SFRP2: variants seen among roughly 807,000 people sequenced by gnomAD.
The protein encoded by SFRP2 is secreted frizzled related protein 2, also known as secreted frizzled-related protein 2.
SFRP2 carries 16 observed loss-of-function variants against 26.0 expected under a neutral mutation model. The observed-to-expected ratio is 0.61, with a 90% CI of 0.42 to 0.93. The LOEUF is 0.93. Ranked by LOEUF, SFRP2 falls within the 40% of genes least tolerant of loss-of-function variation. The pLI is 0.00. For missense variants in SFRP2, 343 were observed against 392.4 expected (o/e 0.87, Z 1.06); for synonymous variants, 173 against 167.3 (o/e 1.03, Z -0.26).
chr4:153,784,950 G>C (rs1250550824), intron 2 of SFRP2, among the ~76,000 whole-genome samples: 2 of 152,148 alleles, frequency 1.3e-5, no homozygotes, highest in African/African-American at 4.8e-5. Flanking sequence ...TGTCTAGCTG[G>C]GCTCCTCTTC....
rs143588179 is a variant in SFRP2, at chr4:153,788,764, C to T, written c.72G>A (p.Gly24=). Reference sequence around the variant, plus strand: ...AGTCGGGCTGGCCAAAGAGGAAGAGCCCGCGCGCCGAGCCCAGGCAGCAGT... The same window carrying T: ...AGTCGGGCTGGCCAAAGAGGAAGAGTCCGCGCGCCGAGCCCAGGCAGCAGT... ...ASHCCLGSAR[G]LFLFGQPDFS... Residue 24 remains glycine, a synonymous_variant, in exon 1 of 3, where the codon GGG becomes GGA. Coordinates refer to ENST00000274063, the MANE Select transcript of SFRP2 (RefSeq NM_003013.3). 6.2e-7 allele frequency: 1 copy of T among 1,611,568 alleles called. No homozygotes were observed. The highest frequency in any genetic ancestry group is 8.5e-7 in the Non-Finnish European group (1 of 1,179,962).
chr4:153,789,038 C>A lies in SFRP2; in HGVS notation c.-203G>T. 1 of 541,796 alleles carries A rather than the reference C, an allele frequency of 1.8e-6. No homozygotes were observed. The highest frequency in any genetic ancestry group is 3.1e-5 in the South Asian group (1 of 32,614). The allele number at this position is 541,796 out of a possible 1,614,324, so 33.6% of individuals were successfully genotyped here. A position where few individuals can be genotyped will look rare whatever the true frequency, so the allele number is the denominator to read the frequency against. On this transcript the variant is annotated 5_prime_UTR_variant, in exon 1 of 3. Transcript: ENST00000274063. ...AGGCGCTGCAAGCCCGCGCGCAGCT[C>A]CGGGGGGCTCCGACCCGGGGGAGCA... is the stretch of plus-strand genomic sequence containing the variant.
intron 2 of SFRP2, among the ~76,000 whole-genome samples, chr4:153,782,241 A>G (rs1741132427): frequency 1.3e-5 from 2 of 152,230 alleles, no homozygotes; most frequent in African/African-American, 4.8e-5. Flanking sequence ...TCACGCAATC[A>G]TTGTTTTCTA....
chr4:153,784,761 G>T (rs935120113), intron 2 of SFRP2, among the ~76,000 whole-genome samples: 4 of 152,218 alleles, frequency 2.6e-5, no homozygotes, highest in African/African-American at 9.7e-5. Context: ...GATTGACAGA[G>T]CAGGGAACAT....
In SFRP2 at chr4:153,789,016, CGCTGCAAGCCCGCGCGCA is replaced by C; in HGVS notation, c.-199_-182del. 1 of 589,028 alleles carries C rather than the reference CGCTGCAAGCCCGCGCGCA, an allele frequency of 1.7e-6. No homozygotes were observed. Among genetic ancestry groups the C allele is most frequent in the South Asian group, 2.7e-5 (1 of 37,548 alleles). 36.5% of individuals were successfully genotyped at this position (589,028 alleles called of 1,614,324 possible). On this transcript the variant is annotated 5_prime_UTR_variant, in exon 1 of 3. Transcript: ENST00000274063. ...CACCGGGAGGACAGCGCGGGCGAGG[CGCTGCAAGCCCGCGCGCA>C]GCTCCGGGGGGCTCCGACCCGGGGG...
chr4:153,784,408 C>T (rs1741168204), intron 2 of SFRP2, among the ~76,000 whole-genome samples: 2 of 152,176 alleles, frequency 1.3e-5, no homozygotes, highest in Non-Finnish European at 2.9e-5. Flanking sequence ...CATATGAAAC[C>T]CCGTCAGCCC....
rs1165886589 is a variant in SFRP2 at position 153,781,557 on chromosome 4, C to T, written c.782G>A (p.Gly261Glu). The change falls in exon 3 of 3, where the codon GGA becomes GAA. Residue 261 changes from glycine to glutamate, a missense_variant. Coordinates refer to ENST00000274063, the MANE Select transcript of SFRP2 (RefSeq NM_003013.3). ...NDINAPYLVMGQKQGGELVIT... is the reference protein window; with the variant it reads ...NDINAPYLVMEQKQGGELVIT... ...CACCAGCTCCCCACCCTGTTTCTGTCCCATGACCAGATAGGGCGCGTTGAT... is the reference window on the plus strand; with the variant it reads ...CACCAGCTCCCCACCCTGTTTCTGTTCCATGACCAGATAGGGCGCGTTGAT... 1.1e-5 allele frequency: 17 copies of T among 1,614,072 alleles called. No homozygotes were observed. Among genetic ancestry groups the T allele is most frequent in the Non-Finnish European group, 1.4e-5 (17 of 1,180,040 alleles).
chr4:153,781,374 CG>C lies in SFRP2; in HGVS notation c.*76del. The C allele has an allele frequency of 7.3e-7, 1 of 1,365,580 alleles. No homozygotes were observed. Among genetic ancestry groups the C allele is most frequent in the Non-Finnish European group, 1.0e-6 (1 of 984,586 alleles). 84.6% of individuals were successfully genotyped at this position (1,365,580 alleles called of 1,614,324 possible). A position where few individuals can be genotyped will look rare whatever the true frequency, so the allele number is the denominator to read the frequency against. On this transcript the variant is annotated 3_prime_UTR_variant, in exon 3 of 3. Coordinates refer to ENST00000274063, the MANE Select transcript of SFRP2 (RefSeq NM_003013.3). The stretch of plus-strand genomic sequence containing the variant: ...AGCAGCTAGGAGTGTGCTTGGGGAA[CG>C]GGAGCTGAGATCCCGGAGCAGAAAT...
chr4:153,783,113 A>G (rs1452193952), intron 2 of SFRP2, among the ~76,000 whole-genome samples: 1 of 152,102 alleles, frequency 6.6e-6, no homozygotes, highest in African/African-American at 2.4e-5. Flanking sequence ...TTTGTCTGGT[A>G]TGATATGCAT....
At position 153,781,360 on chromosome 4, in the gene SFRP2, G is replaced by C; in HGVS notation, c.*91C>G. On this transcript the variant is annotated 3_prime_UTR_variant, in exon 3 of 3. Coordinates refer to ENST00000274063, the MANE Select transcript of SFRP2 (RefSeq NM_003013.3). ...CAGGCTGAGACTGGAGCAGCTAGGA[G>C]TGTGCTTGGGGAACGGGAGCTGAGA... The C allele has an allele frequency of 3.3e-6, 4 of 1,204,276 alleles. No homozygotes were observed. Among genetic ancestry groups the C allele is most frequent in the Non-Finnish European group, 4.8e-6 (4 of 840,938 alleles). The allele number at this position is 1,204,276 out of a possible 1,614,324, so 74.6% of individuals were successfully genotyped here. A position where few individuals can be genotyped will look rare whatever the true frequency, so the allele number is the denominator to read the frequency against.
At chr4:153,785,772 T>C (rs1474040050) in intron 2 of SFRP2, 92 bp downstream of exon 2, 6 of 799,956 alleles carry the variant, frequency 7.5e-6, no homozygotes, top group Admixed American at 2.9e-5. Flanking sequence ...CCAACCTTTA[T>C]CTAGCAACAT....
chr4:153,789,039 C>T lies in SFRP2; in HGVS notation c.-204G>A, dbSNP rs1356034253. The stretch of plus-strand genomic sequence containing the variant: ...GGCGCTGCAAGCCCGCGCGCAGCTC[C>T]GGGGGGCTCCGACCCGGGGGAGCAG... On this transcript the variant is annotated 5_prime_UTR_variant, in exon 1 of 3. Transcript: ENST00000274063. 7 of 539,656 alleles carry T rather than the reference C, an allele frequency of 1.3e-5. No individual in the cohort carries two copies. The highest frequency in any genetic ancestry group is 4.1e-5 in the African/African-American group (2 of 49,290). The allele number at this position is 539,656 out of a possible 1,614,324, so 33.4% of individuals were successfully genotyped here. A position where few individuals can be genotyped will look rare whatever the true frequency, so the allele number is the denominator to read the frequency against.
In SFRP2 at chr4:153,785,883, C is replaced by A. The variant is rs569276115; in HGVS notation, c.564G>T (p.Thr188=). The A allele has an allele frequency of 1.3e-6, 2 of 1,596,692 alleles. No homozygotes were observed. The highest frequency in any genetic ancestry group is 4.5e-5 in the East Asian group (2 of 44,232). Residue 188 remains threonine, a synonymous_variant, in exon 2 of 3, where the codon ACG becomes ACT. Coordinates refer to ENST00000274063, the MANE Select transcript of SFRP2 (RefSeq NM_003013.3). ...ACTTACCAAAATCATTTTTACAAAG[C>A]GTTTCCATTATGTCGTTGTCATCAT... ...KNDDDNDIME[T]LCKNDFALKI...
chr4:153,784,401 A>G (rs1741168130), intron 2 of SFRP2, among the ~76,000 whole-genome samples: 1 of 152,242 alleles, frequency 6.6e-6, no homozygotes, highest in African/African-American at 2.4e-5. Context: ...AAACAGGCAT[A>G]TGAAACCCCG....
chr4:153,781,660 C>A lies in SFRP2; in HGVS notation c.679G>T (p.Val227Leu). Residue 227 changes from valine to leucine, a missense_variant, in exon 3 of 3, where the codon GTG (valine) becomes TTG (leucine). Coordinates refer to ENST00000274063, the MANE Select transcript of SFRP2 (RefSeq NM_003013.3). ...GATTTCTTCAGGTCCCTTTCGGACA[C>A]ACCGTTCAGCTTGTAAATGGTCTTG... The part of the protein sequence containing the change: ...KSKTIYKLNG[V>L]SERDLKKSVL... The A allele has an allele frequency of 6.2e-7, 1 of 1,614,132 alleles. No individual in the cohort carries two copies. The highest frequency in any genetic ancestry group is 8.5e-7 in the Non-Finnish European group (1 of 1,180,004).
intron 2 of SFRP2, among the ~76,000 whole-genome samples, chr4:153,783,512 C>A (rs181365853): frequency 3.3e-5 from 5 of 152,290 alleles, no homozygotes; most frequent in Admixed American, 2.0e-4. Context: ...AGAATTGAAT[C>A]CCCCACATAA....
In SFRP2 at chr4:153,788,758, G is replaced by T. The variant is rs4076441; in HGVS notation, c.78C>A (p.Phe26Leu). ...HCCLGSARGL[F>L]LFGQPDFSYK... ...AGGAGAAGTCGGGCTGGCCAAAGAG[G>T]AAGAGCCCGCGCGCCGAGCCCAGGC... The change falls in exon 1 of 3, where the codon TTC becomes TTA. Residue 26 changes from phenylalanine to leucine, a missense_variant. Physicochemically the swap from Phe to Leu is conservative, Grantham distance 22. Coordinates refer to ENST00000274063, the MANE Select transcript of SFRP2 (RefSeq NM_003013.3). 6.2e-7 allele frequency: 1 copy of T among 1,612,048 alleles called. No individual in the cohort carries two copies. The highest frequency in any genetic ancestry group is 8.5e-7 in the Non-Finnish European group (1 of 1,180,000).
chr4:153,783,994 C>T (rs1228680888), intron 2 of SFRP2, among the ~76,000 whole-genome samples: 2 of 152,172 alleles, frequency 1.3e-5, no homozygotes, highest in African/African-American at 4.8e-5. Flanking sequence ...CACTAAGGCA[C>T]ACAGGCATCC....
Position 153,788,783 on chromosome 4 carries a change from C to G in SFRP2, c.53G>C (p.Cys18Ser). The change falls in exon 1 of 3, where the codon TGC (cysteine) becomes TCC (serine). Residue 18 changes from cysteine (C) to serine (S), a missense_variant. Around this residue, in one of 2 missense-constraint regions of SFRP2, gnomAD observed 251 missense variants for 253.3 expected, o/e 0.99. Coordinates refer to ENST00000274063, the MANE Select transcript of SFRP2 (RefSeq NM_003013.3). ...GAAGAGCCCGCGCGCCGAGCCCAGG[C>G]AGCAGTGCGAGGCGAGGAAGAGCAG... ...LLLLFLASHC[C>S]LGSARGLFLF... 4 of 1,609,176 alleles carry G rather than the reference C, an allele frequency of 2.5e-6. No homozygotes were observed. Among genetic ancestry groups the G allele is most frequent in the Non-Finnish European group, 2.5e-6 (3 of 1,179,780 alleles).
Sources: gnomAD v4.1 joint callset for allele counts (sites outside exome capture counted in the v4.1 genomes callset) on GRCh38, gnomAD v4.1.1 for gene constraint, gnomAD v4.1.1 regional missense constraint, MANE v1.5 for transcripts, NCBI Gene and HGNC (gene_info 2026-07-23, HGNC 2026-07-21) for gene names.